The following SUGP1 variants were observed in gnomAD, a reference collection of about 807,000 sequenced individuals.
SUGP1 encodes the protein SURP and G-patch domain-containing protein 1.
SUGP1 carries 34 observed loss-of-function variants against 76.5 expected under a neutral mutation model. That is an observed-to-expected ratio of 0.44 (90% CI 0.34 to 0.59). SUGP1 has a LOEUF of 0.59. SUGP1 is among the 20% of genes least tolerant of loss of function. SUGP1 has a pLI of 0.01. For synonymous variants in SUGP1, 326 were observed against 326.2 expected, an observed-to-expected ratio of 1.00 and a Z score of 0.01; for missense variants, 752 against 851.7, an observed-to-expected ratio of 0.88 and a Z score of 1.46.
intron 8 of SUGP1, among the ~76,000 whole-genome samples, chr19:19,294,872 G>A (rs1381626240): frequency 2.6e-5 from 4 of 151,872 alleles, no homozygotes; most frequent in South Asian, 4.2e-4. Context: ...ATCAAAAGAC[G>A]CTATTACTAA....
rs1416040840 is a variant in SUGP1 at position 19,297,315 on chromosome 19, T to C, written c.917A>G (p.Tyr306Cys). 1 of 1,526,368 alleles carries C rather than the reference T, an allele frequency of 6.6e-7. No homozygotes were observed. The highest frequency in any genetic ancestry group is 8.8e-7 in the Non-Finnish European group (1 of 1,133,278). The allele number at this position is 1,526,368 out of a possible 1,614,324, so 94.6% of individuals were successfully genotyped here. A position where few individuals can be genotyped will look rare whatever the true frequency, so the allele number is the denominator to read the frequency against. Residue 306 changes from tyrosine to cysteine, a missense_variant, in exon 8 of 14, where the codon TAC becomes TGC. Around this residue, in one of 2 missense-constraint regions of SUGP1, gnomAD observed 620 missense variants for 617.3 expected, o/e 1.00. Coordinates refer to ENST00000247001, the MANE Select transcript of SUGP1 (RefSeq NM_172231.4). ...SFLYEPNSQG[Y>C]KYYRQKLEEF... ...CTCCAGCTTCTGTCGGTAGTACTTG[T>C]ACCCTTGGCTATTGGGCTCATACAG... is the stretch of plus-strand genomic sequence containing the variant.
intron 7 of SUGP1, among the ~76,000 whole-genome samples, chr19:19,300,962 C>A (rs755492280): frequency 6.6e-6 from 1 of 152,316 alleles, no homozygotes; most frequent in African/African-American, 2.4e-5. Flanking sequence ...GGGCCTTGGA[C>A]AGAATTCCAT....
intron 8 of SUGP1, among the ~76,000 whole-genome samples, chr19:19,291,592 C>T (rs536769194): frequency 6.6e-6 from 1 of 151,630 alleles, no homozygotes; most frequent in African/African-American, 2.4e-5. Context: ...AACCTTCCAA[C>T]AAAAAAAGGC....
At chr19:19,280,111 C>G (rs2061086186) in intron 9 of SUGP1, 74 bp downstream of exon 9, 1 of 1,421,228 alleles carries the variant, frequency 7.0e-7, no homozygotes, top group Admixed American at 1.8e-5. Flanking sequence ...CCTGTGACCG[C>G]TGCACCCGGG....
chr19:19,307,427 AAT>A (rs1232709939), intron 3 of SUGP1, among the ~76,000 whole-genome samples: 1 of 152,158 alleles, frequency 6.6e-6, no homozygotes, highest in African/African-American at 2.4e-5. Flanking sequence ...TACAGAACTC[AAT>A]GAGATTTAGT....
chr19:19,297,357 G>A lies in SUGP1; in HGVS notation c.888-13C>T, dbSNP rs368049029. ...CTCATACAGAAAGCTGCAAAGGAGA[G>A]TTGGGGGGTGCAGTGTCAGCTGGGC... On this transcript the variant is annotated splice_polypyrimidine_tract_variant and intron_variant, in intron 7 of 13. Coordinates refer to ENST00000247001, the MANE Select transcript of SUGP1 (RefSeq NM_172231.4). 1 of 1,506,472 alleles carries A rather than the reference G, an allele frequency of 6.6e-7. No homozygotes were observed. The highest frequency in any genetic ancestry group is 8.9e-7 in the Non-Finnish European group (1 of 1,125,466). The allele number at this position is 1,506,472 out of a possible 1,614,324, so 93.3% of individuals were successfully genotyped here. A position where few individuals can be genotyped will look rare whatever the true frequency, so the allele number is the denominator to read the frequency against.
At position 19,297,058 on chromosome 19, in the gene SUGP1, C is replaced by A. The variant is rs1289822512; in HGVS notation, c.1174G>T (p.Asp392Tyr). 2 of 1,612,676 alleles carry A rather than the reference C, an allele frequency of 1.2e-6. No homozygotes were observed. Among genetic ancestry groups the A allele is most frequent in the African/African-American group, 2.7e-5 (2 of 74,860 alleles). The change falls in exon 8 of 14, where the codon GAT (aspartate) becomes TAT (tyrosine). Residue 392 changes from aspartate to tyrosine, a missense_variant. Asp to Tyr is a radical substitution (Grantham distance 160). Around this residue, in one of 2 missense-constraint regions of SUGP1, gnomAD observed 620 missense variants for 617.3 expected, o/e 1.00. Transcript: ENST00000247001. The stretch of plus-strand genomic sequence containing the variant: ...TCAGCAGGTGGGAGCTCTACCTTAT[C>A]CTCTTCAGGCCCCCACCGGCTCTTC... Reference protein sequence around the residue: ...KRKSRWGPEEDKVELPPAELV... With the variant: ...KRKSRWGPEEYKVELPPAELV...
At position 19,310,186 on chromosome 19, in the gene SUGP1, T is replaced by G; in HGVS notation, c.221A>C (p.His74Pro). Residue 74 changes from histidine (H) to proline (P), a missense_variant, in exon 3 of 14, where the codon CAC becomes CCC. His to Pro is a moderately conservative substitution (Grantham distance 77, BLOSUM62 -2). Around this residue, in one of 2 missense-constraint regions of SUGP1, gnomAD observed 620 missense variants for 617.3 expected, o/e 1.00. Transcript: ENST00000247001. ...PPHPGEITNA[H>P]NSSCISNKFA... ...CTTGTTGGAAATGCAGGAAGAGTTG[T>G]GTGCATTTGTGATTCTAGAACCAAG... is the stretch of plus-strand genomic sequence containing the variant. The G allele has an allele frequency of 6.2e-7, 1 of 1,613,358 alleles. No homozygotes were observed.
chr19:19,291,994 C>T (rs1245176314), intron 8 of SUGP1, among the ~76,000 whole-genome samples: 1 of 151,210 alleles, frequency 6.6e-6, no homozygotes, highest in Non-Finnish European at 1.5e-5. Context: ...AGAAATAAGC[C>T]GCGTGCAGTG....
chr19:19,282,805 C>T (rs972833318), intron 8 of SUGP1, among the ~76,000 whole-genome samples: 7 of 151,990 alleles, frequency 4.6e-5, no homozygotes, highest in African/African-American at 1.5e-4. Flanking sequence ...TGGCCAGGCA[C>T]GGCGGCTCAC....
chr19:19,302,493 C>A lies in SUGP1; in HGVS notation c.764-105G>T. 3 of 1,469,012 alleles carry A rather than the reference C, an allele frequency of 2.0e-6. No homozygotes were observed. In the South Asian group the frequency reaches 3.9e-5, roughly 19 times the overall value. 91.0% of individuals were successfully genotyped at this position (1,469,012 alleles called of 1,614,324 possible). ...AGTGGGGTTTGTTTTAGGAATGATG[C>A]AAAGAGAAACAGGCAAATGGGAATC... is the stretch of plus-strand genomic sequence containing the variant. On this transcript the variant is annotated intron_variant, in intron 6 of 13. Transcript: ENST00000247001.
At chr19:19,298,254 T>A (rs1599858971) in intron 7 of SUGP1, among the ~76,000 whole-genome samples, 1 of 152,272 alleles carries the variant, frequency 6.6e-6, no homozygotes, top group East Asian at 1.9e-4. Flanking sequence ...TCCCAGCTCT[T>A]TGGGAGGCCG....
intron 2 of SUGP1, chr19:19,316,122 C>T (rs749273883): frequency 2.0e-4 from 59 of 293,322 alleles, no homozygotes; most frequent in Non-Finnish European, 3.2e-4. Context: ...TGTGAGGCAG[C>T]ACACCTGAAC....
chr19:19,279,518 A>T (rs1194488826), intron 9 of SUGP1, 128 bp from the exon 10 acceptor site: 4 of 1,042,130 alleles, frequency 3.8e-6, no homozygotes, highest in Non-Finnish European at 5.5e-6. Context: ...CCTGGGCAGG[A>T]CTGGAGCAAG....
rs1255677397 is a variant in SUGP1, at chr19:19,318,323, T to C, written c.35-1730A>G. The stretch of plus-strand genomic sequence containing the variant: ...TTAGTAGAGATGGGGCTTCACCATG[T>C]TGGCCAGGCTGGTCTCGAATTCCTG... On this transcript the variant is annotated intron_variant, in intron 1 of 13. Coordinates refer to ENST00000247001, the MANE Select transcript of SUGP1 (RefSeq NM_172231.4). Among the ~76,000 whole-genome samples, 5 of 151,692 alleles carry C rather than the reference T, an allele frequency of 3.3e-5. No homozygotes were observed. The East Asian group carries it at 9.8e-4, about 30-fold the overall frequency.
intron 2 of SUGP1, among the ~76,000 whole-genome samples, chr19:19,311,527 A>G (rs2061352931): frequency 6.6e-6 from 1 of 151,848 alleles, no homozygotes. Context: ...GGAGATAGAG[A>G]CCATCCTGGC....
chr19:19,286,872 CAT>C (rs1399557798), intron 8 of SUGP1, among the ~76,000 whole-genome samples: 4 of 152,114 alleles, frequency 2.6e-5, no homozygotes, highest in Admixed American at 6.6e-5. Context: ...GGCGAAACCA[CAT>C]GTCTACTAAA....
At chr19:19,312,425 T>C (rs1390322179) in intron 2 of SUGP1, among the ~76,000 whole-genome samples, 1 of 152,160 alleles carries the variant, frequency 6.6e-6, no homozygotes, top group African/African-American at 2.4e-5. Flanking sequence ...CCTGCTCCAA[T>C]CTCAAATTCC....
intron 8 of SUGP1, among the ~76,000 whole-genome samples, chr19:19,294,921 C>T (rs1216110253): frequency 6.6e-6 from 1 of 152,028 alleles, no homozygotes. Context: ...AAAGTATTTG[C>T]AAATCACATA....
Sources: gnomAD v4.1 joint callset for allele counts (sites outside exome capture counted in the v4.1 genomes callset) on GRCh38, gnomAD v4.1.1 for gene constraint, gnomAD v4.1.1 regional missense constraint, MANE v1.5 for transcripts, NCBI Gene and HGNC (gene_info 2026-07-23, HGNC 2026-07-21) for gene names.